Variants in WDR7 observed in about 807,000 individuals in gnomAD.
WDR7 encodes the protein WD repeat domain 7.
In WDR7, 46 loss-of-function variants were observed where a neutral mutation model predicts 169.4. The observed-to-expected ratio is 0.27, with a 90% CI of 0.21 to 0.35. The LOEUF (loss-of-function observed/expected upper bound fraction) is 0.35, where lower values mean the gene tolerates loss of function less well. WDR7 is among the 10% of genes least tolerant of loss of function. WDR7 has a pLI of 1.00. For synonymous variants in WDR7, 612 were observed against 666.8 expected, an observed-to-expected ratio of 0.92 and a Z score of 1.27; for missense variants, 1,534 against 1,859.3, an observed-to-expected ratio of 0.83 and a Z score of 3.22.
At chr18:56,976,418 TAGAA>T (rs993596416) in intron 26 of WDR7, among the ~76,000 whole-genome samples, 1 of 152,142 alleles carries the variant, frequency 6.6e-6, no homozygotes, top group African/African-American at 2.4e-5. Flanking sequence ...ATAGAATTGT[TAGAA>T]AGATTTAATA....
intron 14 of WDR7, among the ~76,000 whole-genome samples, chr18:56,751,384 TC>T (rs1255809989): frequency 6.6e-6 from 1 of 152,232 alleles, no homozygotes; most frequent in Non-Finnish European, 1.5e-5. Context: ...TTGTGCTGCT[TC>T]AATAATTTCT....
chr18:56,862,581 A>C (rs2145413975), intron 20 of WDR7, among the ~76,000 whole-genome samples: 1 of 151,916 alleles, frequency 6.6e-6, no homozygotes, highest in South Asian at 2.1e-4. Flanking sequence ...TAGAACCTGC[A>C]AATGAAAAAT....
At chr18:56,716,533 G>C (rs2026195919) in intron 12 of WDR7, among the ~76,000 whole-genome samples, 1 of 152,076 alleles carries the variant, frequency 6.6e-6, no homozygotes, top group African/African-American at 2.4e-5. Flanking sequence ...GTTTACAAAA[G>C]TAAACATTAT....
chr18:56,816,113 G>A lies in WDR7; in HGVS notation c.3273G>A (p.Glu1091=). The part of the protein sequence containing the change: ...SGPEAKVQEE[E]HDLVDDDITT... ...CTGAAGCAAAAGTCCAGGAGGAAGA[G>A]CATGACCTTGTTGACGATGACATCA... The change falls in exon 20 of 28, where the codon GAG becomes GAA. Residue 1091 remains glutamate (E), a synonymous_variant. Transcript: ENST00000254442. The A allele has an allele frequency of 6.2e-7, 1 of 1,613,892 alleles. No homozygotes were observed. Among genetic ancestry groups the A allele is most frequent in the Non-Finnish European group, 8.5e-7 (1 of 1,179,924 alleles).
intron 20 of WDR7, among the ~76,000 whole-genome samples, chr18:56,857,189 G>A (rs774542639): frequency 1.3e-4 from 20 of 152,128 alleles, no homozygotes; most frequent in Non-Finnish European, 2.9e-4. Flanking sequence ...ATAAATAGTG[G>A]TTTCTGATAT....
chr18:56,765,676 G>A lies in WDR7; in HGVS notation c.2848+6723G>A, dbSNP rs182000003. 2.7e-3 allele frequency among the ~76,000 whole-genome samples: 406 copies of A among 152,074 alleles called. 3 individuals carry two copies. The highest frequency in any genetic ancestry group is 8.9e-3 in the African/African-American group (370 of 41,508). On this transcript the variant is annotated intron_variant, in intron 16 of 27. Coordinates refer to ENST00000254442, the MANE Select transcript of WDR7 (RefSeq NM_015285.3). ...TAAGAAAAAATACATATTTACCCAC[G>A]TAGTTACCTTTTTTGGTATTCTACA...
intron 18 of WDR7, among the ~76,000 whole-genome samples, chr18:56,780,836 T>C (rs2044308556): frequency 6.6e-6 from 1 of 152,232 alleles, no homozygotes; most frequent in African/African-American, 2.4e-5. Context: ...ACTTAATAAT[T>C]GACTAGCTTT....
intron 20 of WDR7, among the ~76,000 whole-genome samples, chr18:56,877,557 G>C (rs2118196): frequency 1.3e-5 from 2 of 152,028 alleles, no homozygotes; most frequent in East Asian, 3.9e-4. Flanking sequence ...GAAAAGAAAA[G>C]TATAGACCAG....
intron 26 of WDR7, among the ~76,000 whole-genome samples, chr18:56,996,726 C>T (rs1481980547): frequency 6.6e-6 from 1 of 152,164 alleles, no homozygotes; most frequent in Non-Finnish European, 1.5e-5. Context: ...GAGGCTGCCT[C>T]ATTACTTCCT....
intron 21 of WDR7, among the ~76,000 whole-genome samples, chr18:56,884,884 CTA>C (rs1394240766): frequency 5.3e-5 from 8 of 152,242 alleles, no homozygotes; most frequent in Admixed American, 4.6e-4. Flanking sequence ...CTCACAGAGT[CTA>C]TTTCACTCCC....
At chr18:57,030,035 TCTCTA>T (rs1256440938), downstream of WDR7, 2 of 152,172 alleles carry the variant, frequency 1.3e-5, no homozygotes, top group Non-Finnish European at 2.9e-5. Context: ...TGTTGCTTTA[TCTCTA>T]CTCTACATGC....
chr18:57,036,058 G>T, the WDR7 span: 1 of 152,266 alleles, frequency 6.6e-6, no homozygotes, highest in Non-Finnish European at 1.5e-5. Context: ...GGGGAGGAGA[G>T]TTTAGAATGA....
chr18:56,794,986 T>C (rs1369394972), intron 19 of WDR7, among the ~76,000 whole-genome samples: 1 of 152,164 alleles, frequency 6.6e-6, no homozygotes. Context: ...CCTTCCTCAT[T>C]TGTTAGCTAG....
intron 20 of WDR7, among the ~76,000 whole-genome samples, chr18:56,847,170 T>C (rs1339922591): frequency 6.6e-6 from 1 of 152,160 alleles, no homozygotes; most frequent in Non-Finnish European, 1.5e-5. Context: ...ACATGAAAGT[T>C]ATTGGGAATT....
chr18:56,724,245 C>G (rs1488184528), intron 13 of WDR7, among the ~76,000 whole-genome samples: 1 of 109,784 alleles, frequency 9.1e-6, no homozygotes, highest in Non-Finnish European at 1.7e-5. Context: ...GAGTTTCACT[C>G]TTGTTGCCCA....
At chr18:56,705,948 A>C (rs1378264713) in intron 12 of WDR7, among the ~76,000 whole-genome samples, 2 of 152,208 alleles carry the variant, frequency 1.3e-5, no homozygotes, top group Non-Finnish European at 2.9e-5. Flanking sequence ...CAGTGAGCTG[A>C]GATTGCGCCA....
chr18:56,868,266 G>A (rs545258196), intron 20 of WDR7, among the ~76,000 whole-genome samples: 10 of 152,046 alleles, frequency 6.6e-5, no homozygotes, highest in East Asian at 1.9e-4. Context: ...TTATTATTGC[G>A]ATATAATTTA....
At chr18:56,666,643 C>A (rs944487388) in intron 1 of WDR7, among the ~76,000 whole-genome samples, 3 of 152,190 alleles carry the variant, frequency 2.0e-5, no homozygotes, top group Non-Finnish European at 4.4e-5. Flanking sequence ...TTGGCAAAAT[C>A]TTGATTAACC....
intron 19 of WDR7, among the ~76,000 whole-genome samples, chr18:56,806,810 T>C (rs2044780815): frequency 6.6e-6 from 1 of 152,132 alleles, no homozygotes; most frequent in African/African-American, 2.4e-5. Context: ...GCTCCTTGAG[T>C]GTTTAGTATA....
Sources: gnomAD v4.1 joint callset for allele counts (sites outside exome capture counted in the v4.1 genomes callset) on GRCh38, gnomAD v4.1.1 for gene constraint, MANE v1.5 for transcripts, NCBI Gene and HGNC (gene_info 2026-07-23, HGNC 2026-07-21) for gene names.